UFL1: variants seen among roughly 807,000 people sequenced by gnomAD.
The protein encoded by UFL1 is E3 UFM1-protein ligase 1.
UFL1 carries 78 observed loss-of-function variants against 99.3 expected under a neutral mutation model. That is an observed-to-expected ratio of 0.79 (90% CI 0.65 to 0.95). The LOEUF is 0.95. UFL1 is among the 40% of genes least tolerant of loss of function. The pLI, the probability that UFL1 is intolerant of heterozygous loss-of-function variation, is 0.00. For synonymous variants in UFL1, 335 were observed against 322.2 expected, an observed-to-expected ratio of 1.04 and a Z score of -0.42; for missense variants, 936 against 937.0, an observed-to-expected ratio of 1.00 and a Z score of 0.01.
intron 2 of UFL1, among the ~76,000 whole-genome samples, chr6:96,523,612 AG>A (rs199520173): frequency 0.011 from 1,735 of 152,240 alleles, 20 homozygotes; most frequent in South Asian, 0.07. Context: ...GCCTTTTATT[AG>A]GTGGTAATTG....
chr6:96,523,634 C>T (rs2127948311), intron 2 of UFL1, among the ~76,000 whole-genome samples: 1 of 152,164 alleles, frequency 6.6e-6, no homozygotes, highest in South Asian at 2.1e-4. Context: ...TGAAGGGGGA[C>T]AGTATCTTAC....
At chr6:96,548,813 G>A (rs1770036401) in intron 13 of UFL1, among the ~76,000 whole-genome samples, 1 of 151,486 alleles carries the variant, frequency 6.6e-6, no homozygotes, top group Non-Finnish European at 1.5e-5. Flanking sequence ...AACTAACCTG[G>A]TCATCCCTCA....
chr6:96,523,164 C>T lies in UFL1; in HGVS notation c.96C>T (p.Cys32=). The T allele has an allele frequency of 6.2e-7, 1 of 1,611,760 alleles. No individual in the cohort carries two copies. The highest frequency in any genetic ancestry group is 1.1e-5 in the South Asian group (1 of 90,474). ...EATQRLSERN[C]IEIVNKLIAQ... The stretch of plus-strand genomic sequence containing the variant: ...CCCTCAGGTTGTCCGAGCGGAACTG[C>T]ATTGAGATTGTTAATAAATTGATTG... The change falls in exon 2 of 19, where the codon TGC becomes TGT. Residue 32 remains cysteine (C), a synonymous_variant. Coordinates refer to ENST00000369278, the MANE Select transcript of UFL1 (RefSeq NM_015323.5).
chr6:96,533,207 T>C (rs746496441), intron 6 of UFL1, among the ~76,000 whole-genome samples: 13 of 145,188 alleles, frequency 9.0e-5, no homozygotes, highest in Non-Finnish European at 1.4e-4. Flanking sequence ...TTGTATCCTT[T>C]AAAAAAAAAA....
chr6:96,552,762 C>A, intron 18 of UFL1, 100 bp downstream of exon 18: 1 of 1,087,452 alleles, frequency 9.2e-7, no homozygotes, highest in Non-Finnish European at 1.3e-6. Flanking sequence ...GTATAAAATA[C>A]ATTAACATCA....
chr6:96,531,546 T>C (rs1769783090), intron 6 of UFL1, among the ~76,000 whole-genome samples: 1 of 152,186 alleles, frequency 6.6e-6, no homozygotes, highest in East Asian at 1.9e-4. Context: ...TGACAGTCTG[T>C]GCCACATCAC....
chr6:96,544,165 T>G (rs1339235903), intron 12 of UFL1, among the ~76,000 whole-genome samples: 1 of 151,088 alleles, frequency 6.6e-6, no homozygotes, highest in Non-Finnish European at 1.5e-5. Flanking sequence ...ATTAATTTTA[T>G]GTACATTTTA....
At chr6:96,535,872 C>T (rs1769845563) in intron 7 of UFL1, among the ~76,000 whole-genome samples, 1 of 151,874 alleles carries the variant, frequency 6.6e-6, no homozygotes, top group Non-Finnish European at 1.5e-5. Context: ...CTAATAATTG[C>T]ATATTACCTG....
chr6:96,529,956 T>C (rs1250145960), intron 6 of UFL1, among the ~76,000 whole-genome samples: 2 of 152,180 alleles, frequency 1.3e-5, no homozygotes, highest in Non-Finnish European at 2.9e-5. Context: ...GATACTTTAA[T>C]CTGTATTTCC....
chr6:96,538,499 C>T (rs991956271), intron 9 of UFL1, 132 bp from the exon 10 acceptor site: 11 of 732,024 alleles, frequency 1.5e-5, no homozygotes, highest in Middle Eastern at 4.1e-4. Context: ...TGGAGGTTAT[C>T]GGCATAAATA....
chr6:96,540,219 A>G (rs1582442262), intron 10 of UFL1, among the ~76,000 whole-genome samples: 1 of 151,488 alleles, frequency 6.6e-6, no homozygotes, highest in South Asian at 2.1e-4. Context: ...TGGGGCATCA[A>G]TTAAGCTGTG....
intron 6 of UFL1, among the ~76,000 whole-genome samples, chr6:96,531,974 T>C (rs1226238613): frequency 6.6e-6 from 1 of 152,224 alleles, no homozygotes; most frequent in East Asian, 1.9e-4. Context: ...TAGTCTAACT[T>C]CAAAGGAGAC....
intron 5 of UFL1, 26 bp from the exon 6 acceptor site, chr6:96,528,476 A>G (rs1325159584): frequency 6.2e-7 from 1 of 1,602,762 alleles, no homozygotes; most frequent in Admixed American, 1.7e-5. Flanking sequence ...TTTTAAATTA[A>G]TAAAAATGTA....
chr6:96,544,213 C>G (rs774007012), intron 12 of UFL1, among the ~76,000 whole-genome samples: 7 of 151,018 alleles, frequency 4.6e-5, no homozygotes, highest in East Asian at 1.9e-4. Flanking sequence ...TTGCTTATAT[C>G]TAAGAGAGAG....
intron 2 of UFL1, 93 bp downstream of exon 2, chr6:96,523,384 AT>A: frequency 1.6e-6 from 2 of 1,269,592 alleles, no homozygotes; most frequent in Non-Finnish European, 2.1e-6. Context: ...TGCATACTAA[AT>A]TATAGATTGT....
chr6:96,529,843 A>G (rs1769756109), intron 6 of UFL1, among the ~76,000 whole-genome samples: 1 of 152,192 alleles, frequency 6.6e-6, no homozygotes, highest in Non-Finnish European at 1.5e-5. Flanking sequence ...GAGAGCATGT[A>G]TTCTAATGAA....
chr6:96,546,915 T>C (rs770687931), intron 12 of UFL1, among the ~76,000 whole-genome samples: 3 of 151,586 alleles, frequency 2.0e-5, no homozygotes, highest in Admixed American at 6.6e-5. Context: ...GAAAAAATCT[T>C]CTGGACATTG....
chr6:96,522,784 A>T (rs186728061), intron 1 of UFL1: 1 of 160,800 alleles, frequency 6.2e-6, no homozygotes, highest in African/African-American at 2.4e-5. Flanking sequence ...TAAACTGGAA[A>T]TTAGGGCATT....
rs1582436033 is a variant in UFL1, at chr6:96,524,283, T to C, written c.224-99T>C. 1.3e-5 allele frequency: 14 copies of C among 1,066,890 alleles called. No individual in the cohort carries two copies. The East Asian group carries it at 3.4e-4, about 26-fold the overall frequency. The allele number at this position is 1,066,890 out of a possible 1,614,324, so 66.1% of individuals were successfully genotyped here. On this transcript the variant is annotated intron_variant, in intron 2 of 18. Transcript: ENST00000369278. ...TTGATTATTCTGGCTCTCTGTTCTA[T>C]GCAGGACTTTGACCAAAACTTAAAT...
Sources: allele counts gnomAD v4.1 joint callset (sites outside exome capture counted in the v4.1 genomes callset), GRCh38; gene constraint gnomAD v4.1.1; transcripts MANE v1.5; gene names NCBI Gene and HGNC (gene_info 2026-07-23, HGNC 2026-07-21).